GRM8: variants seen among roughly 807,000 people sequenced by gnomAD.
GRM8 encodes the protein glutamate metabotropic receptor 8.
Under a neutral mutation model 87.2 loss-of-function variants are expected in GRM8, and 47 were observed. The observed-to-expected ratio is 0.54, with a 90% CI of 0.43 to 0.69. GRM8 has a LOEUF of 0.69. Ranked by LOEUF, GRM8 falls within the 30% of genes least tolerant of loss-of-function variation. The pLI, the probability that GRM8 is intolerant of heterozygous loss-of-function variation, is 0.00. For missense variants in GRM8, 1,019 were observed against 1,139.2 expected (o/e 0.89, Z 1.52); for synonymous variants, 396 against 404.5 (o/e 0.98, Z 0.25).
chr7:126,642,582 G>A (rs1361957303), intron 7 of GRM8, among the ~76,000 whole-genome samples: 3 of 152,082 alleles, frequency 2.0e-5, no homozygotes, highest in Non-Finnish European at 4.4e-5. Context: ...AGATCTTGCA[G>A]TGAGCCGAGA....
chr7:126,848,384 C>CTT (rs1377013912), intron 6 of GRM8, among the ~76,000 whole-genome samples: 1 of 152,138 alleles, frequency 6.6e-6, no homozygotes, highest in Non-Finnish European at 1.5e-5. Flanking sequence ...ATTTTGAACA[C>CTT]TTAGCACCAA....
intron 6 of GRM8, among the ~76,000 whole-genome samples, chr7:126,884,419 A>G (rs1468975924): frequency 1.3e-5 from 2 of 152,150 alleles, no homozygotes; most frequent in Non-Finnish European, 2.9e-5. Context: ...TCAACCAACA[A>G]ATGGATATCA....
intron 7 of GRM8, among the ~76,000 whole-genome samples, chr7:126,681,005 A>T (rs1293804904): frequency 6.6e-6 from 1 of 152,160 alleles, no homozygotes; most frequent in African/African-American, 2.4e-5. Context: ...AAATACATTT[A>T]TTTTTAGAGT....
chr7:127,179,529 A>T (rs1002942014), intron 2 of GRM8, among the ~76,000 whole-genome samples: 10 of 152,162 alleles, frequency 6.6e-5, no homozygotes, highest in African/African-American at 2.4e-4. Context: ...CGTTTCATCC[A>T]ACAACCGCAA....
chr7:127,182,028 A>G (rs769059653), intron 2 of GRM8, among the ~76,000 whole-genome samples: 1 of 152,176 alleles, frequency 6.6e-6, no homozygotes, highest in East Asian at 1.9e-4. Context: ...TTTGCATGGC[A>G]AAAGAAACTG....
chr7:126,532,097 T>C (rs1394333427), intron 9 of GRM8, among the ~76,000 whole-genome samples: 1 of 152,228 alleles, frequency 6.6e-6, no homozygotes, highest in Non-Finnish European at 1.5e-5. Flanking sequence ...CCCTTAGTTC[T>C]CTGCTTTTCT....
At chr7:126,720,574 GA>G (rs201356435) in intron 7 of GRM8, among the ~76,000 whole-genome samples, 1,547 of 152,224 alleles carry the variant, frequency 0.01, 30 homozygotes, top group African/African-American at 0.035. Flanking sequence ...ATATTCATTT[GA>G]AAAGGATGAC....
chr7:127,014,932 A>C (rs1423162839), intron 3 of GRM8, among the ~76,000 whole-genome samples: 1 of 140,268 alleles, frequency 7.1e-6, no homozygotes, highest in African/African-American at 2.7e-5. Flanking sequence ...AGAAGGAGAG[A>C]GAGAGAGAGA....
Position 126,788,409 on chromosome 7 carries a change from C to CAAAAAAAAAAAAAAAAAAA in GRM8, c.1157-18345_1157-18344insTTTTTTTTTTTTTTTTTTT, listed in dbSNP as rs67131936. On this transcript the variant is annotated intron_variant, in intron 6 of 10. Coordinates refer to ENST00000339582, the MANE Select transcript of GRM8 (RefSeq NM_000845.3). The stretch of plus-strand genomic sequence containing the variant: ...TGGGTATCAGAGCAAGACTCCATCT[C>CAAAAAAAAAAAAAAAAAAA]AAAAAAAAAAAAAACCCTTTCAGAT... 9.1e-3 allele frequency among the ~76,000 whole-genome samples: 98 copies of CAAAAAAAAAAAAAAAAAAA among 10,768 alleles called. 7 individuals are homozygous for CAAAAAAAAAAAAAAAAAAA. Among genetic ancestry groups the CAAAAAAAAAAAAAAAAAAA allele is most frequent in the African/African-American group, 0.025 (89 of 3,616 alleles). The allele number at this position is 10,768 out of a possible 152,430, so 7.1% of individuals were successfully genotyped here. A position where few individuals can be genotyped will look rare whatever the true frequency, so the allele number is the denominator to read the frequency against.
intron 3 of GRM8, among the ~76,000 whole-genome samples, chr7:126,996,139 T>C (rs1169495672): frequency 6.6e-6 from 1 of 152,006 alleles, no homozygotes; most frequent in Non-Finnish European, 1.5e-5. Context: ...AAATAAAGAC[T>C]TTCCTAGACA....
chr7:126,983,089 G>A (rs1179275558), intron 3 of GRM8, among the ~76,000 whole-genome samples: 1 of 152,154 alleles, frequency 6.6e-6, no homozygotes, highest in Non-Finnish European at 1.5e-5. Context: ...TTGACTTAAA[G>A]GTAGGAGGAG....
chr7:127,106,727 A>ACCCATCATTTGTTT lies in GRM8; in HGVS notation c.511-16_511-15insAAACAAATGATGGG. 1.3e-6 allele frequency: 2 copies of ACCCATCATTTGTTT among 1,552,390 alleles called. No homozygotes were observed. The highest frequency in any genetic ancestry group is 1.8e-6 in the Non-Finnish European group (2 of 1,123,812). On this transcript the variant is annotated splice_polypyrimidine_tract_variant and intron_variant, in intron 2 of 10. Coordinates refer to ENST00000339582, the MANE Select transcript of GRM8 (RefSeq NM_000845.3). ...ATTTGAGGTATCTGCAAAACAAATG[A>ACCCATCATTTGTTT]TGGGTCATTTCAACCCATGACGAAT... is the stretch of plus-strand genomic sequence containing the variant.
intron 6 of GRM8, among the ~76,000 whole-genome samples, chr7:126,808,950 A>C (rs1368913922): frequency 6.6e-6 from 1 of 152,190 alleles, no homozygotes; most frequent in African/African-American, 2.4e-5. Flanking sequence ...AAAACAACAC[A>C]TATTTATTAT....
chr7:126,946,968 C>T (rs1044743628), intron 3 of GRM8, among the ~76,000 whole-genome samples: 1 of 152,148 alleles, frequency 6.6e-6, no homozygotes, highest in African/African-American at 2.4e-5. Context: ...TCAGAACTTG[C>T]TCTATATTGC....
intron 8 of GRM8, among the ~76,000 whole-genome samples, chr7:126,591,217 C>A (rs1044406349): frequency 1.3e-4 from 20 of 151,882 alleles, no homozygotes; most frequent in African/African-American, 4.8e-4. Flanking sequence ...CAAAAGAGAG[C>A]AGATAGTCAT....
intron 2 of GRM8, among the ~76,000 whole-genome samples, chr7:127,156,052 G>A (rs1300041089): frequency 6.6e-6 from 1 of 152,116 alleles, no homozygotes; most frequent in Non-Finnish European, 1.5e-5. Context: ...TAAAAGACAA[G>A]GGTATAAATC....
chr7:127,053,526 A>G (rs1040494751), intron 3 of GRM8, among the ~76,000 whole-genome samples: 1 of 152,206 alleles, frequency 6.6e-6, no homozygotes, highest in Non-Finnish European at 1.5e-5. Context: ...GCAGTGGCTC[A>G]TGCCTGTAAT....
chr7:126,527,917 C>A (rs1392390799), intron 9 of GRM8, among the ~76,000 whole-genome samples: 11 of 152,260 alleles, frequency 7.2e-5, no homozygotes, highest in African/African-American at 2.6e-4. Context: ...TTTAAGAAAA[C>A]ACTTTCAGGC....
chr7:126,870,234 C>G (rs1233047928), intron 6 of GRM8: 1 of 152,178 alleles, frequency 6.6e-6, no homozygotes, highest in African/African-American at 2.4e-5. Context: ...TAGGCTTTGG[C>G]TTAAGGGAAC....
Sources: gnomAD v4.1 joint callset for allele counts (sites outside exome capture counted in the v4.1 genomes callset) on GRCh38, gnomAD v4.1.1 for gene constraint, MANE v1.5 for transcripts, NCBI Gene and HGNC (gene_info 2026-07-23, HGNC 2026-07-21) for gene names.